Variants in PRPF6 observed in about 807,000 individuals in gnomAD.
The protein encoded by PRPF6 is pre-mRNA processing factor 6.
In PRPF6, 42 loss-of-function variants were observed where a neutral mutation model predicts 118.3. The observed-to-expected ratio is 0.35, with a 90% CI of 0.28 to 0.46. The LOEUF (loss-of-function observed/expected upper bound fraction) is 0.46. Among genes scored for constraint, PRPF6 ranks in the 20% least tolerant of loss-of-function variants. The pLI is 1.00. For missense variants in PRPF6, 662 were observed against 1,255.7 expected (o/e 0.53, Z 7.15); for synonymous variants, 481 against 485.1 (o/e 0.99, Z 0.11).
intron 8 of PRPF6, 74 bp from the exon 9 acceptor site, chr20:64,001,003 A>C (rs533131390): frequency 3.3e-6 from 5 of 1,523,074 alleles, no homozygotes; most frequent in Non-Finnish European, 4.5e-6. Flanking sequence ...TCTGCTCTGG[A>C]GATCTGTGCC....
At chr20:64,018,028 C>T (rs2059246822) in intron 12 of PRPF6, among the ~76,000 whole-genome samples, 1 of 152,142 alleles carries the variant, frequency 6.6e-6, no homozygotes, top group Admixed American at 6.5e-5. Flanking sequence ...CATGGCAGAA[C>T]ACCATCTTTA....
chr20:64,010,092 G>A (rs2059209208), intron 9 of PRPF6, 108 bp from the exon 10 acceptor site: 8 of 956,898 alleles, frequency 8.4e-6, no homozygotes, highest in African/African-American at 1.6e-5. Flanking sequence ...GTCCCTGACT[G>A]TCAACCAGGG....
At chr20:63,982,101 T>C (rs1450405624) in intron 1 of PRPF6, among the ~76,000 whole-genome samples, 1 of 151,828 alleles carries the variant, frequency 6.6e-6, no homozygotes, top group Non-Finnish European at 1.5e-5. Context: ...GCTCAGGAGG[T>C]TGGAGGGGCC....
rs563633386 is a variant in PRPF6, at chr20:64,003,741, G to A, written c.1186+2502G>A. Among the ~76,000 whole-genome samples, 33 of 152,198 alleles carry A rather than the reference G, an allele frequency of 2.2e-4. No homozygotes were observed. The South Asian group carries it at 6.0e-3, about 28-fold the overall frequency. ...CCCCCAAGTAGCTGGGACTACAGGC[G>A]CCCGCCACCAGGCCTGGCTAATTTT... On this transcript the variant is annotated intron_variant, in intron 9 of 20. Coordinates refer to ENST00000266079, the MANE Select transcript of PRPF6 (RefSeq NM_012469.4).
intron 3 of PRPF6, among the ~76,000 whole-genome samples, chr20:63,991,761 G>C (rs180707687): frequency 6.1e-4 from 93 of 152,042 alleles, no homozygotes; most frequent in African/African-American, 2.1e-3. Flanking sequence ...CTGCATTCCA[G>C]CCTGGTGACA....
chr20:64,019,092 GTTT>G (rs766307130), intron 12 of PRPF6, among the ~76,000 whole-genome samples: 4 of 119,098 alleles, frequency 3.4e-5, no homozygotes, highest in Admixed American at 8.8e-5. Context: ...TTTGTTGTTG[GTTT>G]TTTTTTTTTT....
Position 64,001,190 on chromosome 20 carries a change from C to G in PRPF6, c.1137C>G (p.Ala379=), listed in dbSNP as rs149287029. 1 of 1,614,214 alleles carries G rather than the reference C, an allele frequency of 6.2e-7. No homozygotes were observed. The highest frequency in any genetic ancestry group is 1.1e-5 in the South Asian group (1 of 91,082). ...AGTCTGTCAGGATTTACATCAGAGC[C>G]GCAGAGCTGGAAACGGACATTCGTG... The part of the protein sequence containing the change: ...LPQSVRIYIR[A]AELETDIRAK... The change falls in exon 9 of 21, where the codon GCC becomes GCG. Residue 379 remains alanine, a synonymous_variant. Coordinates refer to ENST00000266079, the MANE Select transcript of PRPF6 (RefSeq NM_012469.4).
chr20:63,999,213 C>T (rs2059154782), intron 7 of PRPF6, 74 bp downstream of exon 7: 7 of 1,228,174 alleles, frequency 5.7e-6, no homozygotes, highest in South Asian at 3.7e-5. Context: ...TTTATATGGA[C>T]AGTATGCTGT....
chr20:63,981,669 C>T (rs2059069223), intron 1 of PRPF6, among the ~76,000 whole-genome samples: 1 of 150,772 alleles, frequency 6.6e-6, no homozygotes, highest in African/African-American at 2.4e-5. Context: ...CCCGCCCGCC[C>T]CGCCTTAAGC....
chr20:64,001,358 G>A, intron 9 of PRPF6, 119 bp downstream of exon 9: 2 of 1,272,080 alleles, frequency 1.6e-6, no homozygotes, highest in Non-Finnish European at 2.2e-6. Context: ...ACATTTTTCA[G>A]GCCTTTTCTC....
chr20:64,024,539 G>T lies in PRPF6; in HGVS notation c.1770-16G>T. The T allele has an allele frequency of 6.2e-7, 1 of 1,613,240 alleles. No homozygotes were observed. Among genetic ancestry groups the T allele is most frequent in the Non-Finnish European group, 8.5e-7 (1 of 1,179,970 alleles). ...TATGGCCCTGCCTCTGGTGACCGTGGCCTCTTATCTTGCAGGGAGTCCCTG... is the reference window on the plus strand; with the variant it reads ...TATGGCCCTGCCTCTGGTGACCGTGTCCTCTTATCTTGCAGGGAGTCCCTG... On this transcript the variant is annotated splice_polypyrimidine_tract_variant and intron_variant, in intron 13 of 20. Coordinates refer to ENST00000266079, the MANE Select transcript of PRPF6 (RefSeq NM_012469.4).
At chr20:63,997,869 C>A (rs182589986) in intron 6 of PRPF6, among the ~76,000 whole-genome samples, 12 of 152,090 alleles carry the variant, frequency 7.9e-5, no homozygotes, top group African/African-American at 2.9e-4. Flanking sequence ...GCCCCGGCGC[C>A]CCGGCCAGCA....
At chr20:63,991,191 A>G (rs890339147) in intron 3 of PRPF6, among the ~76,000 whole-genome samples, 1 of 151,978 alleles carries the variant, frequency 6.6e-6, no homozygotes, top group African/African-American at 2.4e-5. Flanking sequence ...TGGGAGGCCA[A>G]GGCAGGAGGA....
At chr20:63,989,262 C>T (rs1360366443) in intron 3 of PRPF6, among the ~76,000 whole-genome samples, 1 of 152,124 alleles carries the variant, frequency 6.6e-6, no homozygotes, top group Non-Finnish European at 1.5e-5. Context: ...AGACCTCAAG[C>T]TGAAACTACT....
intron 11 of PRPF6, among the ~76,000 whole-genome samples, chr20:64,015,366 TG>T (rs891774188): frequency 6.6e-6 from 1 of 152,240 alleles, no homozygotes; most frequent in African/African-American, 2.4e-5. Flanking sequence ...CACTGACCTT[TG>T]TGCCAGCGTC....
intron 12 of PRPF6, among the ~76,000 whole-genome samples, chr20:64,018,734 G>T (rs756940093): frequency 2.6e-5 from 4 of 151,910 alleles, no homozygotes; most frequent in Non-Finnish European, 5.9e-5. Context: ...AAGTATGTAG[G>T]ATTACAGGCG....
chr20:64,016,828 A>T lies in PRPF6; in HGVS notation c.1630A>T (p.Met544Leu). ...IEEEDRKHTWMEDADSCVAHN... is the reference protein window; with the variant it reads ...IEEEDRKHTWLEDADSCVAHN... Reference sequence around the variant, plus strand: ...GGAGGAAGATCGGAAGCATACCTGGATGGAGGATGCTGACAGTGTGAGTTG... The same window carrying T: ...GGAGGAAGATCGGAAGCATACCTGGTTGGAGGATGCTGACAGTGTGAGTTG... Residue 544 changes from methionine (M) to leucine (L), a missense_variant, in exon 12 of 21, where the codon ATG becomes TTG. Around this residue, in one of 10 missense-constraint regions of PRPF6, gnomAD observed 189 missense variants for 323.5 expected, o/e 0.58. Coordinates refer to ENST00000266079, the MANE Select transcript of PRPF6 (RefSeq NM_012469.4). 6.2e-7 allele frequency: 1 copy of T among 1,614,020 alleles called. No individual in the cohort carries two copies. The highest frequency in any genetic ancestry group is 8.5e-7 in the Non-Finnish European group (1 of 1,179,974).
chr20:64,001,381 CT>C (rs1569216151), intron 9 of PRPF6, 142 bp downstream of exon 9: 1 of 1,037,456 alleles, frequency 9.6e-7, no homozygotes. Flanking sequence ...GCTGGGTTGC[CT>C]CTGCCCTTGG....
chr20:63,991,025 C>G (rs2059116194), intron 3 of PRPF6, among the ~76,000 whole-genome samples: 1 of 151,904 alleles, frequency 6.6e-6, no homozygotes, highest in South Asian at 2.1e-4. Flanking sequence ...ATCCACCTGC[C>G]TCCCCTAACC....
Sources: gnomAD v4.1 joint callset for allele counts (sites outside exome capture counted in the v4.1 genomes callset) on GRCh38, gnomAD v4.1.1 for gene constraint, gnomAD v4.1.1 regional missense constraint, MANE v1.5 for transcripts, NCBI Gene and HGNC (gene_info 2026-07-23, HGNC 2026-07-21) for gene names.